The following NTRK3 variants were observed in gnomAD, a reference collection of about 807,000 sequenced individuals.
NTRK3 encodes NT-3 growth factor receptor.
NTRK3 carries 24 observed loss-of-function variants against 91.7 expected under a neutral mutation model. The observed-to-expected ratio is 0.26, with a 90% CI of 0.19 to 0.37. The LOEUF (loss-of-function observed/expected upper bound fraction) is 0.37, where lower values mean the gene tolerates loss of function less well. Ranked by LOEUF, NTRK3 falls within the 10% of genes least tolerant of loss-of-function variation. The pLI, the probability that NTRK3 is intolerant of heterozygous loss-of-function variation, is 1.00. For missense variants in NTRK3, 880 were observed against 1,068.9 expected, an observed-to-expected ratio of 0.82 and a Z score of 2.46; for synonymous variants, 483 against 404.0, an observed-to-expected ratio of 1.20 and a Z score of -2.34.
At chr15:87,880,165 G>C (rs1471690461) in intron 18 of NTRK3, 105 bp downstream of exon 19, 21 of 1,433,888 alleles carry the variant, frequency 1.5e-5, no homozygotes, top group Non-Finnish European at 2.1e-5. Flanking sequence ...CACTCTGCTG[G>C]CTCTAAATCC....
At chr15:88,155,645 C>A (rs750175550) in intron 5 of NTRK3, among the ~76,000 whole-genome samples, 1 of 152,148 alleles carries the variant, frequency 6.6e-6, no homozygotes. Context: ...AACCCCTTGT[C>A]TAGAACAGTA....
intron 17 of NTRK3, among the ~76,000 whole-genome samples, chr15:87,905,778 C>G (rs902107122): frequency 2.6e-5 from 4 of 152,192 alleles, no homozygotes; most frequent in Non-Finnish European, 5.9e-5. Flanking sequence ...TTCCAACGTG[C>G]GTGAGCCCCA....
chr15:88,137,546 G>T, exon 7 of NTRK3: 1 of 1,614,030 alleles, frequency 6.2e-7, no homozygotes, highest in Non-Finnish European at 8.5e-7. Flanking sequence ...AGTTGAAAAA[G>T]TTCTGCTCCA....
At chr15:87,979,373 T>G (rs2074001592) in intron 14 of NTRK3, 2 of 1,613,772 alleles carry the variant, frequency 1.2e-6, no homozygotes, top group African/African-American at 1.3e-5. Context: ...TTTGCTGAAA[T>G]AAACATTGAC....
chr15:87,961,597 G>T (rs1368747982), intron 14 of NTRK3, among the ~76,000 whole-genome samples: 1 of 152,254 alleles, frequency 6.6e-6, no homozygotes, highest in Non-Finnish European at 1.5e-5. Context: ...AGTTAATCAG[G>T]CAGGAAGTAA....
chr15:88,217,942 A>T (rs1210492146), intron 3 of NTRK3, among the ~76,000 whole-genome samples: 1 of 151,952 alleles, frequency 6.6e-6, no homozygotes, highest in African/African-American at 2.4e-5. Context: ...TTGTATTTTT[A>T]ATAGAGACGG....
At chr15:88,059,646 C>T (rs757807820) in intron 13 of NTRK3, among the ~76,000 whole-genome samples, 1 of 152,112 alleles carries the variant, frequency 6.6e-6, no homozygotes, top group Non-Finnish European at 1.5e-5. Context: ...TAACACCCAT[C>T]GTGTGTGCAG....
chr15:87,945,608 G>A (rs1288413304), intron 14 of NTRK3, among the ~76,000 whole-genome samples: 1 of 150,724 alleles, frequency 6.6e-6, no homozygotes, highest in Non-Finnish European at 1.5e-5. Flanking sequence ...TGGGGCAGGA[G>A]GGGAGGTATA....
At chr15:88,002,352 A>G (rs1202129710) in intron 14 of NTRK3, among the ~76,000 whole-genome samples, 1 of 152,040 alleles carries the variant, frequency 6.6e-6, no homozygotes, top group Non-Finnish European at 1.5e-5. Flanking sequence ...CTTGTTCAAA[A>G]AATTTCCACC....
At chr15:87,868,511 A>G (rs773881934) in exon 19 of NTRK3, 19 of 219,092 alleles carry the variant, frequency 8.7e-5, no homozygotes, top group African/African-American at 3.6e-4. Flanking sequence ...CTCAGAGAAA[A>G]TTGTTATCCA....
At chr15:87,869,608 G>A (rs551247477) in exon 19 of NTRK3, 1 of 209,880 alleles carries the variant, frequency 4.8e-6, no homozygotes, top group Admixed American at 5.9e-5. Context: ...AGTTTGAGAA[G>A]CTGGATTGTC....
At chr15:88,185,513 C>T (rs948240997) in intron 3 of NTRK3, among the ~76,000 whole-genome samples, 10 of 152,136 alleles carry the variant, frequency 6.6e-5, no homozygotes, top group African/African-American at 2.4e-4. Context: ...TATGAATGTG[C>T]CCATTCATAC....
intron 14 of NTRK3, among the ~76,000 whole-genome samples, chr15:88,013,567 C>T (rs2077028593): frequency 2.6e-5 from 4 of 152,310 alleles, no homozygotes; most frequent in African/African-American, 4.8e-5. Context: ...CATTAAGTAA[C>T]ATGAAAGCAG....
intron 13 of NTRK3, among the ~76,000 whole-genome samples, chr15:88,067,674 T>G (rs1824554): frequency 0.6 from 90,731 of 152,014 alleles, 28,496 homozygotes; most frequent in African/African-American, 0.81. Context: ...GTCCACCCAT[T>G]TGAAGGAAGG....
chr15:88,051,847 A>C (rs762395764), intron 13 of NTRK3, among the ~76,000 whole-genome samples: 1 of 152,254 alleles, frequency 6.6e-6, no homozygotes, highest in East Asian at 1.9e-4. Context: ...GCCACTAATG[A>C]CAGCATCTAT....
chr15:88,014,666 A>T (rs2077104185), intron 14 of NTRK3, among the ~76,000 whole-genome samples: 1 of 152,188 alleles, frequency 6.6e-6, no homozygotes, highest in African/African-American at 2.4e-5. Context: ...TTGGGCTGCC[A>T]CTTTTCCACC....
At chr15:88,083,415 G>T (rs1027765843) in intron 13 of NTRK3, among the ~76,000 whole-genome samples, 1 of 152,092 alleles carries the variant, frequency 6.6e-6, no homozygotes, top group Non-Finnish European at 1.5e-5. Context: ...TAGGGACAAG[G>T]TTTTACCATT....
At chr15:88,174,362 CA>C (rs1184757417) in intron 5 of NTRK3, among the ~76,000 whole-genome samples, 12 of 152,132 alleles carry the variant, frequency 7.9e-5, no homozygotes, top group African/African-American at 2.9e-4. Flanking sequence ...CTGCTGCAGC[CA>C]AAAAATACCT....
chr15:88,074,022 C>T (rs538360979), intron 13 of NTRK3, among the ~76,000 whole-genome samples: 1 of 152,256 alleles, frequency 6.6e-6, no homozygotes, highest in Non-Finnish European at 1.5e-5. Flanking sequence ...ATATACCAGA[C>T]CAAGGGGGCT....
Sources: allele counts gnomAD v4.1 joint callset (sites outside exome capture counted in the v4.1 genomes callset), GRCh38; gene constraint gnomAD v4.1.1; transcripts MANE v1.5; gene names NCBI Gene and HGNC (gene_info 2026-07-23, HGNC 2026-07-21).